ITPR2: variants seen among roughly 807,000 people sequenced by gnomAD.
The protein encoded by ITPR2 is inositol 1,4,5-trisphosphate-gated calcium channel ITPR2.
Under a neutral mutation model 317.1 loss-of-function variants are expected in ITPR2, and 207 were observed. That is an observed-to-expected ratio of 0.65 (90% CI 0.58 to 0.73). The LOEUF (loss-of-function observed/expected upper bound fraction) is 0.73, where lower values mean the gene tolerates loss of function less well. ITPR2 is among the 30% of genes least tolerant of loss of function. The pLI is 0.00. For missense variants in ITPR2, 2,613 were observed against 3,284.0 expected (o/e 0.80, Z 4.99); for synonymous variants, 1,156 against 1,149.1 (o/e 1.01, Z -0.12).
intron 2 of ITPR2, among the ~76,000 whole-genome samples, chr12:26,789,305 GAGT>G (rs1400330241): frequency 2.6e-5 from 4 of 152,202 alleles, no homozygotes; most frequent in Non-Finnish European, 4.4e-5. Context: ...CTATCCCAGA[GAGT>G]AAAACATGGT....
In ITPR2 at chr12:26,743,708, A is replaced by G. The variant is rs974013584; in HGVS notation, c.164-17943T>C. 3.3e-5 allele frequency among the ~76,000 whole-genome samples: 5 copies of G among 152,270 alleles called. No individual in the cohort carries two copies. The East Asian group carries it at 9.7e-4, about 29-fold the overall frequency. ...AGGAGTTCAAAACCAGCCTACCAAC[A>G]TGGAGAAACCCCGTCTCTACTAAAA... On this transcript the variant is annotated intron_variant, in intron 2 of 56. Coordinates refer to ENST00000381340, the MANE Select transcript of ITPR2 (RefSeq NM_002223.4).
intron 50 of ITPR2, among the ~76,000 whole-genome samples, chr12:26,417,992 G>T (rs1940775012): frequency 6.6e-6 from 1 of 152,160 alleles, no homozygotes; most frequent in African/African-American, 2.4e-5. Flanking sequence ...AGGGCAAAAA[G>T]AATTCATTTA....
chr12:26,607,258 C>G (rs1283555363), intron 26 of ITPR2, among the ~76,000 whole-genome samples: 2 of 152,178 alleles, frequency 1.3e-5, no homozygotes, highest in African/African-American at 4.8e-5. Context: ...CACCCCCTAA[C>G]TTCAGGTGCC....
intron 48 of ITPR2, among the ~76,000 whole-genome samples, chr12:26,430,094 G>C (rs1941165178): frequency 6.6e-6 from 1 of 152,184 alleles, no homozygotes; most frequent in Non-Finnish European, 1.5e-5. Flanking sequence ...GTCTAGTATA[G>C]TAGCTTGCAC....
At chr12:26,790,302 C>A in intron 1 of ITPR2, 75 bp from the exon 2 acceptor site, 1 of 1,136,430 alleles carries the variant, frequency 8.8e-7, no homozygotes, top group Admixed American at 1.9e-5. Flanking sequence ...ATGGATATTG[C>A]ATAAATATTT....
chr12:26,501,409 G>A lies in ITPR2; in HGVS notation c.5074-6149C>T, dbSNP rs116046226. On this transcript the variant is annotated intron_variant, in intron 37 of 56. Coordinates refer to ENST00000381340, the MANE Select transcript of ITPR2 (RefSeq NM_002223.4). ...AACTATATTTTCAGATAACTCCTTC[G>A]GGAGAATATGGTCAATCTCCTATAA... Among the ~76,000 whole-genome samples, 550 of 152,114 alleles carry A rather than the reference G, an allele frequency of 3.6e-3. 3 individuals are homozygous for A. Among genetic ancestry groups the A allele is most frequent in the African/African-American group, 0.013 (535 of 41,510 alleles).
chr12:26,752,950 G>A (rs1054584105), intron 2 of ITPR2, among the ~76,000 whole-genome samples: 1 of 152,056 alleles, frequency 6.6e-6, no homozygotes, highest in Non-Finnish European at 1.5e-5. Context: ...TAAGTGGTGG[G>A]GTCCAGTAAC....
chr12:26,606,331 G>A (rs1946127145), intron 26 of ITPR2, among the ~76,000 whole-genome samples: 1 of 152,134 alleles, frequency 6.6e-6, no homozygotes. Context: ...TTATCATCTA[G>A]AGAACCTAAA....
chr12:26,368,589 G>A (rs926545359), intron 55 of ITPR2, among the ~76,000 whole-genome samples: 1 of 152,214 alleles, frequency 6.6e-6, no homozygotes, highest in African/African-American at 2.4e-5. Flanking sequence ...TGTGAACTGA[G>A]ACAGACTAAT....
At chr12:26,548,782 CAGG>C (rs929977181) in intron 37 of ITPR2, among the ~76,000 whole-genome samples, 2 of 152,108 alleles carry the variant, frequency 1.3e-5, no homozygotes, top group Non-Finnish European at 2.9e-5. Context: ...ATTTTCTCAA[CAGG>C]AGGTAATAAA....
At chr12:26,427,458 A>G (rs1406859635) in intron 49 of ITPR2, among the ~76,000 whole-genome samples, 1 of 152,184 alleles carries the variant, frequency 6.6e-6, no homozygotes. Flanking sequence ...GTTCACATAA[A>G]AAGAACCCAA....
At position 26,352,581 on chromosome 12, in the gene ITPR2, G is replaced by A. The variant is rs546310819; in HGVS notation, c.7858-12253C>T. Reference sequence around the variant, plus strand: ...CACTGACGGTGGCTTCAGAAGGGGTGGCAAGAGTGGGACACAGGGAGGTGA... The same window carrying A: ...CACTGACGGTGGCTTCAGAAGGGGTAGCAAGAGTGGGACACAGGGAGGTGA... On this transcript the variant is annotated intron_variant, in intron 55 of 56. Transcript: ENST00000381340. Among the ~76,000 whole-genome samples, 26 of 152,318 alleles carry A rather than the reference G, an allele frequency of 1.7e-4. No individual in the cohort carries two copies. In the East Asian group the frequency reaches 3.3e-3, roughly 19 times the overall value.
At chr12:26,339,944 C>T (rs1938049965) in intron 56 of ITPR2, among the ~76,000 whole-genome samples, 1 of 152,082 alleles carries the variant, frequency 6.6e-6, no homozygotes, top group South Asian at 2.1e-4. Context: ...TATCCTTTCC[C>T]CCTTCCATAG....
intron 21 of ITPR2, among the ~76,000 whole-genome samples, chr12:26,644,196 G>C (rs1419682470): frequency 6.6e-6 from 1 of 152,290 alleles, no homozygotes; most frequent in East Asian, 1.9e-4. Context: ...CACATCATGA[G>C]CTTCACTTTC....
At chr12:26,705,115 T>A (rs1322309640) in intron 9 of ITPR2, among the ~76,000 whole-genome samples, 1 of 152,164 alleles carries the variant, frequency 6.6e-6, no homozygotes, top group Admixed American at 6.5e-5. Context: ...ATACATTTTA[T>A]AAAAATCATC....
At chr12:26,688,560 G>C (rs1421693997) in intron 10 of ITPR2, among the ~76,000 whole-genome samples, 1 of 152,050 alleles carries the variant, frequency 6.6e-6, no homozygotes, top group Non-Finnish European at 1.5e-5. Flanking sequence ...GAAGGAGAAG[G>C]GAAAAGAGGG....
At chr12:26,485,281 C>G (rs1242361654) in intron 41 of ITPR2, among the ~76,000 whole-genome samples, 1 of 151,954 alleles carries the variant, frequency 6.6e-6, no homozygotes, top group East Asian at 1.9e-4. Context: ...TTTATATCTA[C>G]CATTTATTCT....
intron 2 of ITPR2, among the ~76,000 whole-genome samples, chr12:26,737,678 G>T (rs1029892873): frequency 6.6e-6 from 1 of 152,100 alleles, no homozygotes; most frequent in African/African-American, 2.4e-5. Flanking sequence ...TCAAACTGTG[G>T]TTGGTTTGGC....
intron 1 of ITPR2, among the ~76,000 whole-genome samples, chr12:26,811,671 C>T (rs541238721): frequency 1.8e-4 from 22 of 119,068 alleles, no homozygotes; most frequent in Admixed American, 1.4e-3. Flanking sequence ...TGGGGGACAG[C>T]GAGACTCTGT....
Sources: gnomAD v4.1 joint callset for allele counts (sites outside exome capture counted in the v4.1 genomes callset) on GRCh38, gnomAD v4.1.1 for gene constraint, MANE v1.5 for transcripts, NCBI Gene and HGNC (gene_info 2026-07-23, HGNC 2026-07-21) for gene names.